ZNF221: variants seen among roughly 807,000 people sequenced by gnomAD.
The protein encoded by ZNF221 is zinc finger protein 221.
Under a neutral mutation model 12.6 loss-of-function variants are expected in ZNF221, and 10 were observed. The ratio of observed to expected loss-of-function variants is 0.79; its 90% CI spans 0.49 to 1.34. The LOEUF (loss-of-function observed/expected upper bound fraction) is 1.34. ZNF221 is among the 40% of genes most tolerant of loss of function. The pLI is 0.00. For synonymous variants in ZNF221, 232 were observed against 244.0 expected, an observed-to-expected ratio of 0.95 and a Z score of 0.46; for missense variants, 661 against 721.4, an observed-to-expected ratio of 0.92 and a Z score of 0.96.
chr19:43,972,442 A>C (rs1450752763), downstream of ZNF221, among the ~76,000 whole-genome samples: 6 of 152,136 alleles, frequency 3.9e-5, no homozygotes, highest in Admixed American at 3.9e-4. Context: ...CAGAGACACA[A>C]AAAATCTTTC....
In ZNF221 at chr19:43,962,709, T is replaced by C; in HGVS notation, c.-2-16T>C. The C allele has an allele frequency of 6.2e-7, 1 of 1,613,594 alleles. No individual in the cohort carries two copies. The highest frequency in any genetic ancestry group is 8.5e-7 in the Non-Finnish European group (1 of 1,179,548). On this transcript the variant is annotated splice_polypyrimidine_tract_variant and intron_variant, in intron 1 of 4. Coordinates refer to ENST00000587682, the MANE Select transcript of ZNF221 (RefSeq NM_001297588.2). ...CATTTCCTGTCTGTTTTTCTGCCTT[T>C]CCTGGCACTTTCCAGGCATGATTTC...
Position 43,966,566 on chromosome 19 carries a change from G to T in ZNF221, c.1064G>T (p.Ser355Ile). ...KNFRQRSALN[S>I]HSMVHIEEKP... ...TTTCGTCAGAGATCAGCACTTAATAGTCATTCCATGGTCCACATAGAAGAG... is the reference window on the plus strand; with the variant it reads ...TTTCGTCAGAGATCAGCACTTAATATTCATTCCATGGTCCACATAGAAGAG... The change falls in exon 5 of 5, where the codon AGT (serine) becomes ATT (isoleucine). Residue 355 changes from serine (S) to isoleucine (I), a missense_variant. Ser to Ile is a moderately radical substitution (Grantham distance 142, BLOSUM62 -2). Coordinates refer to ENST00000587682, the MANE Select transcript of ZNF221 (RefSeq NM_001297588.2). 1 of 1,614,148 alleles carries T rather than the reference G, an allele frequency of 6.2e-7. No individual in the cohort carries two copies. The highest frequency in any genetic ancestry group is 1.3e-5 in the African/African-American group (1 of 75,050).
chr19:43,957,190 AT>A (rs900138856), intron 1 of ZNF221, among the ~76,000 whole-genome samples: 1 of 151,810 alleles, frequency 6.6e-6, no homozygotes, highest in African/African-American at 2.4e-5. Context: ...TTTATTTTTT[AT>A]TTTTTTTGAG....
chr19:43,977,168 T>C, the ZNF221 span: 5 of 152,368 alleles, frequency 3.3e-5, no homozygotes, highest in African/African-American at 1.2e-4. Flanking sequence ...TTAGTGTGTA[T>C]GTACATCATT....
chr19:43,957,361 C>T (rs749822404), intron 1 of ZNF221, among the ~76,000 whole-genome samples: 16 of 151,886 alleles, frequency 1.1e-4, no homozygotes, highest in South Asian at 8.3e-4. Context: ...TTAGTAGAGA[C>T]GGGGTTTTAC....
At chr19:43,974,211 G>A in the ZNF221 span, among the ~76,000 whole-genome samples, 1 of 116,818 alleles carries the variant, frequency 8.6e-6, no homozygotes, top group Non-Finnish European at 1.8e-5. Context: ...ACAGAAAATT[G>A]AAACTGGACC....
chr19:43,969,566 C>T (rs1198200009), downstream of ZNF221, among the ~76,000 whole-genome samples: 1 of 152,020 alleles, frequency 6.6e-6, no homozygotes, highest in African/African-American at 2.4e-5. Flanking sequence ...CCAGGCTGGT[C>T]TTGAACTCCT....
At chr19:43,969,307 C>G (rs1214216665), downstream of ZNF221, among the ~76,000 whole-genome samples, 1 of 143,904 alleles carries the variant, frequency 6.9e-6, no homozygotes, top group East Asian at 2.1e-4. Context: ...AGAACACCTG[C>G]TTTGCCAGAT....
chr19:43,954,999 T>C (rs888814963), intron 1 of ZNF221, among the ~76,000 whole-genome samples: 1 of 152,100 alleles, frequency 6.6e-6, no homozygotes, highest in Non-Finnish European at 1.5e-5. Flanking sequence ...ACAATCAATG[T>C]TTTAATTGCC....
intron 2 of ZNF221, among the ~76,000 whole-genome samples, chr19:43,963,528 T>C (rs761210195): frequency 3.9e-5 from 6 of 152,076 alleles, no homozygotes; most frequent in Non-Finnish European, 8.8e-5. Context: ...GTATGCATGT[T>C]ATTTATTGGT....
Position 43,965,872 on chromosome 19 carries a change from C to A in ZNF221, c.370C>A (p.Gln124Lys). The A allele has an allele frequency of 6.2e-7, 1 of 1,613,874 alleles. No homozygotes were observed. The highest frequency in any genetic ancestry group is 8.5e-7 in the Non-Finnish European group (1 of 1,179,820). Reference protein sequence around the residue: ...AGPHEEWSCQQIWEQIASDLT... With the variant: ...AGPHEEWSCQKIWEQIASDLT... ...ACCACATGAAGAGTGGTCCTGTCAG[C>A]AAATATGGGAACAAATTGCAAGTGA... Residue 124 changes from glutamine to lysine, a missense_variant, in exon 5 of 5, where the codon CAA (glutamine) becomes AAA (lysine). By Grantham distance (53) the Gln-to-Lys change is moderately conservative (BLOSUM62 1). Transcript: ENST00000587682.
the ZNF221 span, among the ~76,000 whole-genome samples, chr19:43,978,944 T>G: frequency 1.9e-3 from 291 of 150,982 alleles, 1 homozygote; most frequent in African/African-American, 5.9e-3. Context: ...TTTTTTTTTT[T>G]TTTTTTTTTT....
At chr19:43,958,436 A>G (rs1294442387) in intron 1 of ZNF221, among the ~76,000 whole-genome samples, 1 of 152,178 alleles carries the variant, frequency 6.6e-6, no homozygotes, top group Non-Finnish European at 1.5e-5. Flanking sequence ...CCGAGCATTT[A>G]TAGGGTGAGT....
the ZNF221 span, among the ~76,000 whole-genome samples, chr19:43,974,258 T>C: frequency 6.6e-6 from 1 of 151,636 alleles, no homozygotes. Context: ...TTAAGATGGA[T>C]TAAAAACTTA....
chr19:43,977,918 A>G, the ZNF221 span, among the ~76,000 whole-genome samples: 1 of 152,224 alleles, frequency 6.6e-6, no homozygotes, highest in Non-Finnish European at 1.5e-5. Context: ...ACTTATAACA[A>G]TATTACAGTG....
At chr19:43,969,570 A>G (rs183702708), downstream of ZNF221, among the ~76,000 whole-genome samples, 372 of 151,840 alleles carry the variant, frequency 2.4e-3, 3 homozygotes, top group Admixed American at 7.6e-3. Flanking sequence ...GCTGGTCTTG[A>G]ACTCCTGACC....
At chr19:43,975,525 C>G in the ZNF221 span, among the ~76,000 whole-genome samples, 2 of 152,078 alleles carry the variant, frequency 1.3e-5, no homozygotes, top group African/African-American at 4.8e-5. Context: ...ACAACACACA[C>G]TGGGGCCTCT....
At position 43,967,154 on chromosome 19, in the gene ZNF221, T is replaced by C. The variant is rs755875055; in HGVS notation, c.1652T>C (p.Met551Thr). 2 of 1,593,784 alleles carry C rather than the reference T, an allele frequency of 1.3e-6. No individual in the cohort carries two copies. The highest frequency in any genetic ancestry group is 1.7e-6 in the Non-Finnish European group (2 of 1,167,390). ...KGYNSKFNLD[M>T]HQRVHGGERP... is the part of the protein sequence containing the mutation. The stretch of plus-strand genomic sequence containing the variant: ...TACAACAGTAAATTTAATCTTGACA[T>C]GCACCAGAGGGTCCACGGGGGAGAG... The change falls in exon 5 of 5, where the codon ATG becomes ACG. Residue 551 changes from methionine to threonine, a missense_variant. Transcript: ENST00000587682.
chr19:43,960,807 C>T (rs1023318028), intron 1 of ZNF221, among the ~76,000 whole-genome samples: 4 of 152,204 alleles, frequency 2.6e-5, no homozygotes, highest in Non-Finnish European at 5.9e-5. Flanking sequence ...ATGAAGGAGG[C>T]TTGGCAGCTT....
Sources: allele counts gnomAD v4.1 joint callset (sites outside exome capture counted in the v4.1 genomes callset), GRCh38; gene constraint gnomAD v4.1.1; transcripts MANE v1.5; gene names NCBI Gene and HGNC (gene_info 2026-07-23, HGNC 2026-07-21).